The following ANKRD18A variants were observed in gnomAD, a reference collection of about 807,000 sequenced individuals.
ANKRD18A encodes the protein ankyrin repeat domain-containing protein 18A.
In ANKRD18A, 72 loss-of-function variants were observed where a neutral mutation model predicts 110.6. The observed-to-expected ratio is 0.65, with a 90% confidence interval of 0.54 to 0.79. The LOEUF (loss-of-function observed/expected upper bound fraction) is 0.79, where lower values mean the gene tolerates loss of function less well. ANKRD18A is among the 30% of genes least tolerant of loss of function. The probability of loss-of-function intolerance (pLI) is 0.00; values close to 1 mark genes in which losing one functional copy is unlikely to be tolerated. For missense variants in ANKRD18A, 934 were observed against 1,163.3 expected, an observed-to-expected ratio of 0.80 and a Z score of 2.87; for synonymous variants, 305 against 410.3, an observed-to-expected ratio of 0.74 and a Z score of 3.10.
At chr9:38,613,294 T>A (rs1825720537) in intron 3 of ANKRD18A, among the ~76,000 whole-genome samples, 1 of 151,940 alleles carries the variant, frequency 6.6e-6, no homozygotes, top group African/African-American at 2.4e-5. Context: ...GACTTCTGCA[T>A]GAGTCCACTA....
At chr9:38,615,060 A>G (rs1825791985) in intron 3 of ANKRD18A, among the ~76,000 whole-genome samples, 1 of 152,220 alleles carries the variant, frequency 6.6e-6, no homozygotes, top group South Asian at 2.1e-4. Flanking sequence ...ATAAACTGGA[A>G]AAACAACAAA....
chr9:38,577,467 T>C (rs1000073092), intron 13 of ANKRD18A, among the ~76,000 whole-genome samples: 3 of 152,174 alleles, frequency 2.0e-5, no homozygotes, highest in African/African-American at 7.2e-5. Flanking sequence ...TTTGAAATCA[T>C]ACTTATGTTA....
chr9:38,579,823 T>C (rs1824075411), intron 12 of ANKRD18A, among the ~76,000 whole-genome samples: 1 of 152,092 alleles, frequency 6.6e-6, no homozygotes, highest in Non-Finnish European at 1.5e-5. Context: ...ACCCCACTAC[T>C]GGGTATTCAG....
At chr9:38,582,108 C>A (rs1824190537) in intron 12 of ANKRD18A, among the ~76,000 whole-genome samples, 1 of 151,822 alleles carries the variant, frequency 6.6e-6, no homozygotes, top group South Asian at 2.1e-4. Context: ...GCAGCTCAGA[C>A]TTAAACTCCT....
At chr9:38,587,409 A>T (rs570061916) in intron 11 of ANKRD18A, among the ~76,000 whole-genome samples, 65 of 152,306 alleles carry the variant, frequency 4.3e-4, no homozygotes, top group African/African-American at 1.6e-3. Context: ...TGATCAAAAC[A>T]TGAATGCTCA....
chr9:38,594,840 G>C (rs1405458635), intron 9 of ANKRD18A, among the ~76,000 whole-genome samples: 4 of 152,136 alleles, frequency 2.6e-5, no homozygotes, highest in Non-Finnish European at 4.4e-5. Context: ...ACACATTTCA[G>C]GTACAAGCAT....
chr9:38,591,816 C>T (rs1050484008), intron 10 of ANKRD18A, among the ~76,000 whole-genome samples: 1 of 152,062 alleles, frequency 6.6e-6, no homozygotes, highest in Non-Finnish European at 1.5e-5. Flanking sequence ...AGTACATAAC[C>T]GACATGACCA....
chr9:38,576,076 G>A (rs941985201), intron 14 of ANKRD18A, among the ~76,000 whole-genome samples: 4 of 152,126 alleles, frequency 2.6e-5, no homozygotes, highest in African/African-American at 4.8e-5. Flanking sequence ...AAATGATTAC[G>A]TTAATTTGCT....
chr9:38,584,417 A>C (rs959795021), intron 12 of ANKRD18A, among the ~76,000 whole-genome samples: 1 of 152,206 alleles, frequency 6.6e-6, no homozygotes, highest in African/African-American at 2.4e-5. Context: ...ACTAGTGAAG[A>C]TAGCTAAATG....
At chr9:38,576,954 C>A (rs1475373808) in intron 14 of ANKRD18A, 99 bp downstream of exon 14, 5 of 999,328 alleles carry the variant, frequency 5.0e-6, no homozygotes, top group Admixed American at 3.0e-5. Flanking sequence ...TTAGCATTCA[C>A]TTCCTACTGA....
chr9:38,586,886 T>C (rs1010684956), intron 11 of ANKRD18A, among the ~76,000 whole-genome samples: 1 of 152,110 alleles, frequency 6.6e-6, no homozygotes, highest in African/African-American at 2.4e-5. Context: ...TTTTTATAAA[T>C]AGACTATTCA....
intron 3 of ANKRD18A, among the ~76,000 whole-genome samples, chr9:38,612,426 T>C (rs1825659858): frequency 6.6e-6 from 1 of 151,790 alleles, no homozygotes; most frequent in Admixed American, 6.6e-5. Context: ...GAAATAAAAA[T>C]ACAATGGCTT....
intron 7 of ANKRD18A, 36 bp downstream of exon 7, chr9:38,603,121 CTT>C (rs1160587725): frequency 6.6e-7 from 1 of 1,524,392 alleles, no homozygotes; most frequent in African/African-American, 1.6e-5. Context: ...CTCCCAGTCT[CTT>C]TACATGGTTA....
intron 5 of ANKRD18A, among the ~76,000 whole-genome samples, chr9:38,608,540 A>G (rs1825456460): frequency 6.8e-6 from 1 of 147,618 alleles, no homozygotes. Context: ...ATAATTATAT[A>G]ATATATAGAT....
At chr9:38,576,921 T>A in intron 14 of ANKRD18A, 132 bp downstream of exon 14, 1 of 734,158 alleles carries the variant, frequency 1.4e-6, no homozygotes, top group Non-Finnish European at 2.2e-6. Flanking sequence ...ACTAACATTA[T>A]TTTCCAAAAT....
intron 3 of ANKRD18A, among the ~76,000 whole-genome samples, chr9:38,614,022 T>C (rs890190635): frequency 3.3e-5 from 5 of 152,170 alleles, no homozygotes; most frequent in African/African-American, 1.2e-4. Flanking sequence ...TGATATTCCC[T>C]TTCACTTCCC....
intron 8 of ANKRD18A, among the ~76,000 whole-genome samples, chr9:38,600,833 A>G (rs1300953220): frequency 6.6e-6 from 1 of 152,198 alleles, no homozygotes; most frequent in Non-Finnish European, 1.5e-5. Context: ...ATACAACTCC[A>G]TTTTTGATGT....
intron 12 of ANKRD18A, among the ~76,000 whole-genome samples, chr9:38,582,342 TAAGGTATAAGC>T (rs971048423): frequency 2.0e-5 from 3 of 152,088 alleles, no homozygotes; most frequent in Admixed American, 1.3e-4. Context: ...TTAGAGTAAG[TAAGGTATAAGC>T]TGGCCACAGA....
At chr9:38,587,593 A>T (rs1240282490) in intron 11 of ANKRD18A, among the ~76,000 whole-genome samples, 1 of 152,202 alleles carries the variant, frequency 6.6e-6, no homozygotes, top group East Asian at 1.9e-4. Flanking sequence ...GAAACAAAAT[A>T]CAAGCTATAT....
Sources: allele counts gnomAD v4.1 joint callset (sites outside exome capture counted in the v4.1 genomes callset), GRCh38; gene constraint gnomAD v4.1.1; transcripts MANE v1.5; gene names NCBI Gene and HGNC (gene_info 2026-07-23, HGNC 2026-07-21).